The following DST variants were observed in gnomAD, a reference collection of about 807,000 sequenced individuals.
DST encodes bullous pemphigoid antigen.
A neutral mutation model predicts 875.2 loss-of-function variants in DST; 253 were observed. The ratio of observed to expected loss-of-function variants is 0.29; its 90% CI spans 0.26 to 0.32. The LOEUF (loss-of-function observed/expected upper bound fraction) is 0.32, where lower values mean the gene tolerates loss of function less well. Among genes scored for constraint, DST ranks in the 10% least tolerant of loss-of-function variants. The pLI, the probability that DST is intolerant of heterozygous loss-of-function variation, is 1.00. For missense variants in DST, 8,287 were observed against 9,111.6 expected (o/e 0.91, Z 3.68); for synonymous variants, 3,124 against 3,197.1 (o/e 0.98, Z 0.77).
At chr6:56,902,247 T>C (rs1592270020) in intron 2 of DST, among the ~76,000 whole-genome samples, 1 of 152,198 alleles carries the variant, frequency 6.6e-6, no homozygotes, top group Non-Finnish European at 1.5e-5. Context: ...CACTAAATGA[T>C]CCAAGAAGGG....
chr6:56,817,798 T>C (rs1019073456), intron 4 of DST, among the ~76,000 whole-genome samples: 16 of 152,138 alleles, frequency 1.1e-4, no homozygotes, highest in African/African-American at 3.9e-4. Context: ...AGAATAATAG[T>C]TCCCCAAAGA....
At chr6:56,904,134 T>C (rs1245918484) in intron 2 of DST, among the ~76,000 whole-genome samples, 3 of 152,218 alleles carry the variant, frequency 2.0e-5, no homozygotes, top group Admixed American at 6.5e-5. Context: ...CTATAATTAC[T>C]ATGGATATTA....
intron 5 of DST, among the ~76,000 whole-genome samples, chr6:56,713,819 G>GT (rs2099386159): frequency 6.6e-6 from 1 of 152,196 alleles, no homozygotes; most frequent in Non-Finnish European, 1.5e-5. Context: ...ATATTTTATA[G>GT]TTTTAAGGCT....
intron 9 of DST, chr6:56,692,440 T>A: frequency 7.8e-7 from 1 of 1,289,490 alleles, no homozygotes; most frequent in Non-Finnish European, 1.0e-6. Context: ...ATAAAGGGAA[T>A]GGCATCTCTT....
intron 2 of DST, among the ~76,000 whole-genome samples, chr6:56,943,848 G>C (rs925158836): frequency 5.9e-5 from 9 of 152,112 alleles, no homozygotes; most frequent in African/African-American, 2.2e-4. Flanking sequence ...CAGGCAGAGT[G>C]GCTCACGCAT....
intron 5 of DST, among the ~76,000 whole-genome samples, chr6:56,729,195 C>T (rs935071352): frequency 6.6e-6 from 1 of 152,086 alleles, no homozygotes; most frequent in Non-Finnish European, 1.5e-5. Flanking sequence ...AATCTAAGGT[C>T]TGGGGAAAAA....
intron 4 of DST, among the ~76,000 whole-genome samples, chr6:56,824,222 G>C (rs2099776691): frequency 6.6e-6 from 1 of 152,214 alleles, no homozygotes; most frequent in East Asian, 1.9e-4. Context: ...TGTTGGCCGG[G>C]CTGGTCTCCA....
At chr6:56,530,243 T>A in intron 64 of DST, 110 bp from the exon 65 acceptor site, 5 of 774,382 alleles carry the variant, frequency 6.5e-6, no homozygotes, top group Non-Finnish European at 9.2e-6. Flanking sequence ...GTAGAAACTA[T>A]CTAAGGTTAC....
chr6:56,683,134 G>A (rs2099164534), intron 9 of DST, among the ~76,000 whole-genome samples: 1 of 152,166 alleles, frequency 6.6e-6, no homozygotes, highest in Admixed American at 6.5e-5. Flanking sequence ...ATTGATTTCT[G>A]TAGGAAGAAG....
Position 56,594,066 on chromosome 6 carries a change from A to G in DST, c.12323T>C (p.Met4108Thr), listed in dbSNP as rs1231950440. Residue 4108 changes from methionine (M) to threonine (T), a missense_variant, in exon 48 of 104, where the codon ATG (methionine) becomes ACG (threonine). By Grantham distance (81) the Met-to-Thr change is moderately conservative. Coordinates refer to ENST00000680361, the MANE Select transcript of DST (RefSeq NM_001374736.1). The stretch of plus-strand genomic sequence containing the variant: ...TTCATAATGCACTTTCAGTTCCTTC[A>G]TGTTCTTTTGCAGTTTCTCTTTTTC... ...PEEKEKLQKN[M>T]KELKVHYETA... 28 of 1,612,688 alleles carry G rather than the reference A, an allele frequency of 1.7e-5. No homozygotes were observed. Among genetic ancestry groups the G allele is most frequent in the Non-Finnish European group, 2.2e-5 (26 of 1,179,686 alleles).
intron 47 of DST, among the ~76,000 whole-genome samples, chr6:56,596,960 A>G (rs1016330029): frequency 1.3e-5 from 2 of 152,180 alleles, no homozygotes; most frequent in Non-Finnish European, 2.9e-5. Flanking sequence ...AGCTCAACTT[A>G]GCCTGGACAC....
At chr6:56,767,649 AT>A (rs1426147105) in intron 4 of DST, among the ~76,000 whole-genome samples, 13 of 151,930 alleles carry the variant, frequency 8.6e-5, no homozygotes, top group Admixed American at 5.2e-4. Flanking sequence ...AAATAAATAA[AT>A]AAATAAAACA....
chr6:56,690,698 T>C (rs2099222666), intron 9 of DST, among the ~76,000 whole-genome samples: 1 of 152,164 alleles, frequency 6.6e-6, no homozygotes, highest in Non-Finnish European at 1.5e-5. Flanking sequence ...ATTTCCGGGA[T>C]GAAATGCCAA....
At chr6:56,503,795 A>G (rs923786720) in intron 78 of DST, among the ~76,000 whole-genome samples, 1 of 152,140 alleles carries the variant, frequency 6.6e-6, no homozygotes, top group Non-Finnish European at 1.5e-5. Flanking sequence ...CTATAAAAAG[A>G]AAACTATTAA....
chr6:56,690,631 G>A (rs1283139779), intron 9 of DST, among the ~76,000 whole-genome samples: 1 of 152,174 alleles, frequency 6.6e-6, no homozygotes, highest in Non-Finnish European at 1.5e-5. Context: ...AGCAAAAACT[G>A]ATCACATAGG....
At chr6:56,578,706 C>A in intron 50 of DST, 108 bp downstream of exon 50, 2 of 1,119,984 alleles carry the variant, frequency 1.8e-6, no homozygotes, top group Non-Finnish European at 2.5e-6. Context: ...AGAGAAAGAG[C>A]ACATAGAACA....
At chr6:56,792,656 T>C (rs2099729397) in intron 4 of DST, among the ~76,000 whole-genome samples, 5 of 152,198 alleles carry the variant, frequency 3.3e-5, no homozygotes, top group Admixed American at 3.3e-4. Context: ...TGCTTCCTGA[T>C]ATGCTGCAAT....
intron 4 of DST, among the ~76,000 whole-genome samples, chr6:56,848,393 C>T (rs894665679): frequency 6.6e-6 from 1 of 152,152 alleles, no homozygotes; most frequent in Admixed American, 6.5e-5. Context: ...CTATAGACAT[C>T]CTCACACCAT....
chr6:56,825,557 A>C (rs2099779441), intron 4 of DST, among the ~76,000 whole-genome samples: 1 of 152,014 alleles, frequency 6.6e-6, no homozygotes, highest in African/African-American at 2.4e-5. Context: ...GCTTTTGCAA[A>C]TATCAAAAGT....
Sources: gnomAD v4.1 joint callset for allele counts (sites outside exome capture counted in the v4.1 genomes callset) on GRCh38, gnomAD v4.1.1 for gene constraint, MANE v1.5 for transcripts, NCBI Gene and HGNC (gene_info 2026-07-23, HGNC 2026-07-21) for gene names.